CEP76: variants seen among roughly 807,000 people sequenced by gnomAD.
CEP76 encodes the protein centrosomal protein of 76 kDa.
Under a neutral mutation model 83.3 loss-of-function variants are expected in CEP76, and 55 were observed. The ratio of observed to expected loss-of-function variants is 0.66; its 90% CI spans 0.53 to 0.83. The LOEUF (loss-of-function observed/expected upper bound fraction) is 0.83, where lower values mean the gene tolerates loss of function less well. Ranked by LOEUF, CEP76 falls within the 40% of genes least tolerant of loss-of-function variation. The probability of loss-of-function intolerance (pLI) is 0.00; values close to 1 mark genes in which losing one functional copy is unlikely to be tolerated. For missense variants in CEP76, 694 were observed against 799.5 expected (o/e 0.87, Z 1.59); for synonymous variants, 270 against 274.5 (o/e 0.98, Z 0.16).
At chr18:12,671,642 CTTTTTTTTTTTTTT>C (rs869130220), downstream of CEP76, among the ~76,000 whole-genome samples, 2 of 55,544 alleles carry the variant, frequency 3.6e-5, no homozygotes, top group Non-Finnish European at 7.2e-5. Flanking sequence ...TTCACACTTT[CTTTTTTTTTTTTTT>C]TTTTTTTTTT....
chr18:12,666,757 A>G (rs1330144748), intron 12 of CEP76, among the ~76,000 whole-genome samples: 1 of 152,098 alleles, frequency 6.6e-6, no homozygotes, highest in Non-Finnish European at 1.5e-5. Flanking sequence ...CCAAAAAAAA[A>G]AAAACTTTTG....
chr18:12,701,659 C>T (rs1411399978), intron 1 of CEP76, among the ~76,000 whole-genome samples: 1 of 152,180 alleles, frequency 6.6e-6, no homozygotes, highest in Non-Finnish European at 1.5e-5. Flanking sequence ...ACTTCAGCAT[C>T]TTGCACTCAG....
chr18:12,677,548 TACA>T (rs1201261040), intron 10 of CEP76, among the ~76,000 whole-genome samples: 4 of 145,054 alleles, frequency 2.8e-5, no homozygotes, highest in Non-Finnish European at 6.0e-5. Context: ...CCCAGTTGAG[TACA>T]ACATGAAAAC....
At chr18:12,691,653 T>G (rs1261763451) in intron 6 of CEP76, among the ~76,000 whole-genome samples, 166 bp from the exon 7 acceptor site, 1 of 152,038 alleles carries the variant, frequency 6.6e-6, no homozygotes, top group Non-Finnish European at 1.5e-5. Context: ...TTACCCCTAG[T>G]ACAATCCCAT....
At chr18:12,670,210 G>T (rs1356248628), downstream of CEP76, among the ~76,000 whole-genome samples, 3 of 148,512 alleles carry the variant, frequency 2.0e-5, no homozygotes, top group Non-Finnish European at 4.5e-5. Flanking sequence ...TGTGCCTGTA[G>T]TCCCAGCTAC....
rs375925229 is a variant in CEP76 at position 12,697,231 on chromosome 18, A to G, written c.698T>C (p.Met233Thr). ...TATATTAATCACCATACCTACACCC[A>G]TAAGTTCCACAGTCAGACTGGTCAC... is the stretch of plus-strand genomic sequence containing the variant. ...NGVTSLTVEL[M>T]GVGTESKVSV... is the part of the protein sequence containing the mutation. Residue 233 changes from methionine to threonine, a missense_variant, in exon 5 of 12, where the codon ATG (methionine) becomes ACG (threonine). Transcript: ENST00000262127. 7.5e-5 allele frequency: 121 copies of G among 1,612,218 alleles called. No homozygotes were observed. The highest frequency in any genetic ancestry group is 6.9e-4 in the African/African-American group (52 of 74,988).
chr18:12,662,981 T>G (rs2038728587), intron 12 of CEP76, among the ~76,000 whole-genome samples: 1 of 152,168 alleles, frequency 6.6e-6, no homozygotes, highest in Non-Finnish European at 1.5e-5. Context: ...TGAATATAAG[T>G]GTAATTATTA....
chr18:12,701,171 C>G lies in CEP76; in HGVS notation c.64-58G>C, dbSNP rs1197870468. ...ATCACAAAGCAGTCAAATACTGCTT[C>G]TGAAGTTTTAAGGTTCTCCAGCTAA... On this transcript the variant is annotated intron_variant, in intron 1 of 11. Coordinates refer to ENST00000262127, the MANE Select transcript of CEP76 (RefSeq NM_024899.4). The G allele has an allele frequency of 2.2e-6, 3 of 1,352,544 alleles. No homozygotes were observed. In the African/African-American group the frequency reaches 4.4e-5, roughly 20 times the overall value. The allele number at this position is 1,352,544 out of a possible 1,614,324, so 83.8% of individuals were successfully genotyped here. A position where few individuals can be genotyped will look rare whatever the true frequency, so the allele number is the denominator to read the frequency against.
upstream of CEP76, chr18:12,702,748 A>G (rs944262922): frequency 5.0e-6 from 3 of 605,814 alleles, no homozygotes; most frequent in African/African-American, 2.0e-5. Flanking sequence ...GGCGGCGCCA[A>G]CTGTTTTCAA....
chr18:12,673,033 C>G lies in CEP76; in HGVS notation c.*332G>C. On this transcript the variant is annotated 3_prime_UTR_variant, in exon 12 of 12. Coordinates refer to ENST00000262127, the MANE Select transcript of CEP76 (RefSeq NM_024899.4). ...GGCTCAAACCCTTAGACAAACATCT[C>G]TTTGATTACCTGTTTGTGTAAAGAA... is the stretch of plus-strand genomic sequence containing the variant. 9.9e-7 allele frequency: 1 copy of G among 1,015,082 alleles called. No homozygotes were observed. Among genetic ancestry groups the G allele is most frequent in the South Asian group, 4.1e-5 (1 of 24,398 alleles). 62.9% of individuals were successfully genotyped at this position (1,015,082 alleles called of 1,614,324 possible).
chr18:12,677,042 T>A (rs1034380030), intron 10 of CEP76, among the ~76,000 whole-genome samples: 1 of 152,252 alleles, frequency 6.6e-6, no homozygotes, highest in African/African-American at 2.4e-5. Flanking sequence ...AATCTCTTAA[T>A]GTCTTCTCTT....
intron 12 of CEP76, among the ~76,000 whole-genome samples, chr18:12,662,405 CTGGAATT>C (rs1342354998): frequency 6.6e-6 from 1 of 152,198 alleles, no homozygotes; most frequent in African/African-American, 2.4e-5. Context: ...ACAGTTGGTA[CTGGAATT>C]CAGGCCTCCT....
At position 12,673,194 on chromosome 18, in the gene CEP76, A is replaced by G. The variant is rs1469511775; in HGVS notation, c.*171T>C. On this transcript the variant is annotated 3_prime_UTR_variant, in exon 12 of 12. Transcript: ENST00000262127. ...ACAAGTTTTTCAGCCTTAATTTTTA[A>G]AGGAATGCATGATTTTTTTTAAACA... 9 of 1,304,792 alleles carry G rather than the reference A, an allele frequency of 6.9e-6. No individual in the cohort carries two copies. The highest frequency in any genetic ancestry group is 8.8e-6 in the Non-Finnish European group (9 of 1,023,430). The allele number at this position is 1,304,792 out of a possible 1,614,324, so 80.8% of individuals were successfully genotyped here.
At chr18:12,690,041 G>A (rs1002105507) in intron 7 of CEP76, among the ~76,000 whole-genome samples, 9 of 152,104 alleles carry the variant, frequency 5.9e-5, no homozygotes, top group African/African-American at 2.2e-4. Flanking sequence ...CACCTGCCTC[G>A]GCCTCCCCAA....
rs9957880 is a variant in CEP76 at position 12,676,350 on chromosome 18, C to A, written c.1624-1597G>T. On this transcript the variant is annotated intron_variant, in intron 10 of 11. Transcript: ENST00000262127. Reference sequence around the variant, plus strand: ...CCAGGCTGGAGTGCAGTGGCACAATCTCGGCTCACTGCAACCTCTGCCTCC... The same window carrying A: ...CCAGGCTGGAGTGCAGTGGCACAATATCGGCTCACTGCAACCTCTGCCTCC... Among the ~76,000 whole-genome samples, 3 of 143,376 alleles carry A rather than the reference C, an allele frequency of 2.1e-5. No homozygotes were observed. The East Asian group carries it at 6.4e-4, about 31-fold the overall frequency. The allele number at this position is 143,376 out of a possible 152,430, so 94.1% of individuals were successfully genotyped here.
Position 12,681,071 on chromosome 18 carries a change from CACCATTAGTCCCAGCT to C in CEP76, c.1123-259_1123-244del, listed in dbSNP as rs1169119926. Among the ~76,000 whole-genome samples, 4 of 151,784 alleles carry C rather than the reference CACCATTAGTCCCAGCT, an allele frequency of 2.6e-5. No homozygotes were observed. In the East Asian group the frequency reaches 7.8e-4, roughly 30 times the overall value. ...AAAATTAGCCGGGTGTGGTAGCACA[CACCATTAGTCCCAGCT>C]ACTCAGGAGGCGAGGCAAGAGAATC... On this transcript the variant is annotated intron_variant, in intron 8 of 11. Transcript: ENST00000262127.
downstream of CEP76, among the ~76,000 whole-genome samples, chr18:12,668,040 G>T (rs190562301): frequency 6.6e-6 from 1 of 151,746 alleles, no homozygotes; most frequent in Non-Finnish European, 1.5e-5. Flanking sequence ...CGAGGCAGGC[G>T]TATCACCTGA....
Position 12,702,494 on chromosome 18 carries a change from G to A in CEP76, c.55C>T (p.Leu19=). The change falls in exon 1 of 12, where the codon CTG becomes TTG. Residue 19 remains leucine, a synonymous_variant. Transcript: ENST00000262127. ...GCACCCGCGACTCTCACCTTGCTCA[G>A]CTGCTGGTGGATGAGCTGCTTCAGC... The part of the protein sequence containing the change: ...SELKQLIHQQ[L]SKMDVHGRIR... The A allele has an allele frequency of 1.2e-6, 2 of 1,609,418 alleles. No homozygotes were observed. The highest frequency in any genetic ancestry group is 1.7e-6 in the Non-Finnish European group (2 of 1,178,198).
chr18:12,695,147 G>A (rs904920615), intron 6 of CEP76, 107 bp downstream of exon 6: 5 of 476,310 alleles, frequency 1.0e-5, no homozygotes, highest in Admixed American at 4.1e-5. Context: ...AATCTAGAAA[G>A]TAATAAATGG....
Sources: allele counts gnomAD v4.1 joint callset (sites outside exome capture counted in the v4.1 genomes callset), GRCh38; gene constraint gnomAD v4.1.1; transcripts MANE v1.5; gene names NCBI Gene and HGNC (gene_info 2026-07-23, HGNC 2026-07-21).